The following SNRPD3 variants were observed in gnomAD, a reference collection of about 807,000 sequenced individuals.
The protein encoded by SNRPD3 is small nuclear ribonucleoprotein Sm D3.
For missense variants in SNRPD3, 73 were observed against 167.5 expected (o/e 0.44, Z 3.11); for synonymous variants, 66 against 58.4 (o/e 1.13, Z -0.59).
intron 3 of SNRPD3, 80 bp from the exon 4 acceptor site, chr22:24,571,821 CCCTTCTAACTGGTGT>C: frequency 1.6e-6 from 2 of 1,234,788 alleles, no homozygotes. Context: ...CCCTTCAGAA[CCCTTCTAACTGGTGT>C]CCTAGGGCCC....
intron 3 of SNRPD3, 84 bp downstream of exon 3, chr22:24,568,260 G>A (rs1176014441): frequency 3.3e-5 from 35 of 1,073,826 alleles, no homozygotes; most frequent in Non-Finnish European, 4.5e-5. Context: ...CCTGGAGACA[G>A]AGAGGGTTTG....
chr22:24,558,334 G>C (rs959435220), intron 2 of SNRPD3, among the ~76,000 whole-genome samples: 1 of 152,152 alleles, frequency 6.6e-6, no homozygotes, highest in African/African-American at 2.4e-5. Context: ...TTCCTGATAT[G>C]GTGTCCTTCT....
At chr22:24,558,823 A>G (rs2045105134) in intron 2 of SNRPD3, among the ~76,000 whole-genome samples, 1 of 152,108 alleles carries the variant, frequency 6.6e-6, no homozygotes. Flanking sequence ...GCGGACTGGC[A>G]CCCCCGGTGT....
At position 24,572,118 on chromosome 22, in the gene SNRPD3, TG is replaced by T. The variant is rs905822866; in HGVS notation, c.*147del. The T allele has an allele frequency of 1.1e-5, 16 of 1,467,358 alleles. No homozygotes were observed. The highest frequency in any genetic ancestry group is 1.5e-5 in the Non-Finnish European group (16 of 1,072,778). The allele number at this position is 1,467,358 out of a possible 1,614,324, so 90.9% of individuals were successfully genotyped here. On this transcript the variant is annotated 3_prime_UTR_variant, in exon 4 of 4. Transcript: ENST00000215829. ...GGGAAATGTTTAAGCTAAATAAATC[TG>T]GGGGGTTTTTTGTTCTGTTTTGTTT...
rs79502611 is a variant in SNRPD3 at position 24,563,517 on chromosome 22, T to C, written c.127-4467T>C. Among the ~76,000 whole-genome samples the C allele has an allele frequency of 4.1e-3, 628 of 152,122 alleles. 4 individuals are homozygous for C. The highest frequency in any genetic ancestry group is 0.014 in the African/African-American group (601 of 41,498). On this transcript the variant is annotated intron_variant, in intron 2 of 3. Coordinates refer to ENST00000215829, the MANE Select transcript of SNRPD3 (RefSeq NM_004175.5). Reference sequence around the variant, plus strand: ...GGCATCAGCTGCAGGATATGGCATGTTGGTCAAAATGCTGTTGGCATAAGT... The same window carrying C: ...GGCATCAGCTGCAGGATATGGCATGCTGGTCAAAATGCTGTTGGCATAAGT...
chr22:24,566,449 A>G (rs1208283485), intron 2 of SNRPD3, among the ~76,000 whole-genome samples: 1 of 151,996 alleles, frequency 6.6e-6, no homozygotes, highest in Non-Finnish European at 1.5e-5. Flanking sequence ...TTTTGTAGAG[A>G]TGAGGTCTCA....
At chr22:24,555,974 T>A, upstream of SNRPD3, 1 of 793,734 alleles carries the variant, frequency 1.3e-6, no homozygotes, top group Non-Finnish European at 2.0e-6. Flanking sequence ...TGGGAAAGAG[T>A]GGAATTCTGG....
At chr22:24,571,600 C>T (rs1193323551) in intron 3 of SNRPD3, among the ~76,000 whole-genome samples, 1 of 152,076 alleles carries the variant, frequency 6.6e-6, no homozygotes, top group East Asian at 1.9e-4. Flanking sequence ...ATTAGCCGGG[C>T]GTTGTGGTTC....
chr22:24,567,904 T>A, intron 2 of SNRPD3, 80 bp from the exon 3 acceptor site: 1 of 1,104,406 alleles, frequency 9.1e-7, no homozygotes, highest in Non-Finnish European at 1.3e-6. Context: ...TTTTCTGGAC[T>A]TCCCCCTCCC....
intron 2 of SNRPD3, among the ~76,000 whole-genome samples, chr22:24,562,254 A>T (rs1231202997): frequency 2.0e-5 from 3 of 152,140 alleles, no homozygotes; most frequent in Admixed American, 2.0e-4. Flanking sequence ...AATTATCTGG[A>T]TGTGGGGCTG....
At chr22:24,570,815 C>CTTTTT (rs10705174) in intron 3 of SNRPD3, among the ~76,000 whole-genome samples, 3 of 106,700 alleles carry the variant, frequency 2.8e-5, no homozygotes, top group African/African-American at 9.6e-5. Context: ...TGAAATAATT[C>CTTTTT]TTTTTTTTTT....
At chr22:24,558,018 T>C (rs1193667711) in intron 2 of SNRPD3, 4 of 396,752 alleles carry the variant, frequency 1.0e-5, no homozygotes, top group African/African-American at 2.1e-5. Context: ...AGGTTTGGAA[T>C]ATTTTACTTT....
At chr22:24,556,568 C>G (rs556285166) in intron 1 of SNRPD3, among the ~76,000 whole-genome samples, 1 of 152,170 alleles carries the variant, frequency 6.6e-6, no homozygotes. Context: ...AGGCAATGGT[C>G]CCCTCATGCT....
intron 1 of SNRPD3, 55 bp from the exon 2 acceptor site, chr22:24,557,602 C>T (rs938271518): frequency 1.5e-5 from 20 of 1,310,980 alleles, no homozygotes; most frequent in East Asian, 7.2e-5. Context: ...TGATGTGTGC[C>T]ACATGCCTTT....
chr22:24,565,759 C>G (rs2045191625), intron 2 of SNRPD3, among the ~76,000 whole-genome samples: 1 of 152,116 alleles, frequency 6.6e-6, no homozygotes, highest in African/African-American at 2.4e-5. Context: ...CTCCCGGGTT[C>G]AAGTGATTCT....
intron 2 of SNRPD3, among the ~76,000 whole-genome samples, chr22:24,566,286 A>C (rs2330886): frequency 0.97 from 147,561 of 152,212 alleles, 71,644 homozygotes; most frequent in Non-Finnish European, 1. Context: ...TGTTTGTTTT[A>C]TTTTTGAGAG....
intron 3 of SNRPD3, among the ~76,000 whole-genome samples, chr22:24,568,612 C>CA (rs1047977581): frequency 3.2e-4 from 49 of 151,832 alleles, no homozygotes; most frequent in Non-Finnish European, 5.7e-4. Flanking sequence ...GGCTGGAGTG[C>CA]AGTGGCGTGA....
chr22:24,558,609 G>T (rs2045102839), intron 2 of SNRPD3, among the ~76,000 whole-genome samples: 1 of 152,174 alleles, frequency 6.6e-6, no homozygotes, highest in Non-Finnish European at 1.5e-5. Context: ...TTTATTGGGG[G>T]AAATGACAAT....
At chr22:24,567,092 A>G (rs780962555) in intron 2 of SNRPD3, among the ~76,000 whole-genome samples, 1 of 152,062 alleles carries the variant, frequency 6.6e-6, no homozygotes, top group Non-Finnish European at 1.5e-5. Flanking sequence ...GGCCCTTTTT[A>G]CAGGCCTTGT....
Sources: allele counts gnomAD v4.1 joint callset (sites outside exome capture counted in the v4.1 genomes callset), GRCh38; gene constraint gnomAD v4.1.1; transcripts MANE v1.5; gene names NCBI Gene and HGNC (gene_info 2026-07-23, HGNC 2026-07-21).